Variants in MAGI1 observed in about 807,000 individuals in gnomAD.
MAGI1 encodes the protein membrane-associated guanylate kinase, WW and PDZ domain-containing protein 1.
MAGI1 carries 58 observed loss-of-function variants against 139.9 expected under a neutral mutation model. That is an observed-to-expected ratio of 0.41 (90% CI 0.34 to 0.52). The LOEUF is 0.52. Among genes scored for constraint, MAGI1 ranks in the 20% least tolerant of loss-of-function variants. MAGI1 has a pLI of 0.12. For synonymous variants in MAGI1, 812 were observed against 737.9 expected, an observed-to-expected ratio of 1.10 and a Z score of -1.63; for missense variants, 1,874 against 1,901.6, an observed-to-expected ratio of 0.99 and a Z score of 0.27.
intron 2 of MAGI1, among the ~76,000 whole-genome samples, chr3:65,563,131 T>A (rs2080443387): frequency 6.6e-6 from 1 of 152,234 alleles, no homozygotes; most frequent in Non-Finnish European, 1.5e-5. Flanking sequence ...CAAGAGAACT[T>A]TATTAAGTTG....
At chr3:65,403,740 ACT>A (rs956756150) in intron 12 of MAGI1, among the ~76,000 whole-genome samples, 2 of 152,106 alleles carry the variant, frequency 1.3e-5, no homozygotes, top group Admixed American at 1.3e-4. Context: ...CATTTGTAAG[ACT>A]CTGGCTGATC....
intron 1 of MAGI1, among the ~76,000 whole-genome samples, chr3:65,648,156 T>C (rs1420701811): frequency 6.6e-6 from 1 of 151,992 alleles, no homozygotes; most frequent in East Asian, 1.9e-4. Context: ...TGTATTTCTT[T>C]TTTTTTTTTC....
chr3:65,881,747 A>T (rs576050181), intron 1 of MAGI1, among the ~76,000 whole-genome samples: 1 of 152,270 alleles, frequency 6.6e-6, no homozygotes, highest in South Asian at 2.1e-4. Context: ...ATGTGTTCTC[A>T]AGTCTATGGG....
chr3:65,408,963 G>C (rs1023769485), intron 12 of MAGI1, among the ~76,000 whole-genome samples: 1 of 152,216 alleles, frequency 6.6e-6, no homozygotes, highest in Non-Finnish European at 1.5e-5. Context: ...CAATTTCAGA[G>C]AGTGGTAACT....
intron 12 of MAGI1, among the ~76,000 whole-genome samples, chr3:65,419,435 A>T (rs570482010): frequency 6.6e-6 from 1 of 152,326 alleles, no homozygotes; most frequent in Non-Finnish European, 1.5e-5. Context: ...GTAGCCCAAT[A>T]CATTGATTTC....
At chr3:65,940,459 G>A (rs985682385) in intron 1 of MAGI1, among the ~76,000 whole-genome samples, 1 of 152,110 alleles carries the variant, frequency 6.6e-6, no homozygotes, top group South Asian at 2.1e-4. Flanking sequence ...GTATCTTCAC[G>A]TGGCAGAAAA....
intron 5 of MAGI1, among the ~76,000 whole-genome samples, chr3:65,465,639 C>A (rs887853186): frequency 1.4e-4 from 22 of 152,102 alleles, no homozygotes; most frequent in Admixed American, 1.2e-3. Flanking sequence ...CATAGGGTGT[C>A]ATTTCTCATC....
rs1426299687 is a variant in MAGI1 at position 65,440,891 on chromosome 3, G to GTATACACATATAT, written c.1137-880_1137-879insATATATGTGTATA. Among the ~76,000 whole-genome samples, 434 of 135,338 alleles carry GTATACACATATAT rather than the reference G, an allele frequency of 3.2e-3. 2 individuals carry two copies. Among genetic ancestry groups the GTATACACATATAT allele is most frequent in the African/African-American group, 0.012 (417 of 33,976 alleles). The allele number at this position is 135,338 out of a possible 152,430, so 88.8% of individuals were successfully genotyped here. On this transcript the variant is annotated intron_variant, in intron 8 of 22. Coordinates refer to ENST00000402939, the MANE Select transcript of MAGI1 (RefSeq NM_001033057.2). ...TATACACATATATGTACATATATATGGTACATATGTGTGTATATATATATA... is the reference window on the plus strand; with the variant it reads ...TATACACATATATGTACATATATATGTATACACATATATGTACATATGTGTGTATATATATATA...
At chr3:66,025,753 A>G (rs774181898) in intron 1 of MAGI1, among the ~76,000 whole-genome samples, 5 of 152,136 alleles carry the variant, frequency 3.3e-5, no homozygotes, top group Non-Finnish European at 5.9e-5. Context: ...TAGTGTTAAC[A>G]CATGTATTTC....
At chr3:65,777,320 G>A (rs1455039451) in intron 1 of MAGI1, among the ~76,000 whole-genome samples, 1 of 152,076 alleles carries the variant, frequency 6.6e-6, no homozygotes, top group Non-Finnish European at 1.5e-5. Context: ...TGCTGTGAGG[G>A]TTAAATTAGT....
At chr3:65,549,533 G>A in intron 2 of MAGI1, 1 of 960,740 alleles carries the variant, frequency 1.0e-6, no homozygotes, top group Non-Finnish European at 1.2e-6. Flanking sequence ...CCTTTTATGG[G>A]GCTCGCAGGC....
chr3:65,419,247 A>ATACACACACACACACAC (rs1355075280), intron 12 of MAGI1, among the ~76,000 whole-genome samples: 3 of 33,210 alleles, frequency 9.0e-5, no homozygotes, highest in African/African-American at 2.1e-4. Flanking sequence ...CACACACACA[A>ATACACACACACACACAC]GTGTATGAAT....
intron 2 of MAGI1, among the ~76,000 whole-genome samples, chr3:65,499,220 C>T (rs2076991888): frequency 6.6e-6 from 1 of 151,012 alleles, no homozygotes; most frequent in African/African-American, 2.4e-5. Flanking sequence ...GCAAACAAAA[C>T]AAAAAAGACC....
At chr3:66,005,356 C>A (rs2066958984) in intron 1 of MAGI1, among the ~76,000 whole-genome samples, 1 of 152,122 alleles carries the variant, frequency 6.6e-6, no homozygotes, top group South Asian at 2.1e-4. Flanking sequence ...TTGTCTCAAC[C>A]TAAAAATGAT....
chr3:65,563,813 C>A (rs1052851922), intron 2 of MAGI1, among the ~76,000 whole-genome samples: 16 of 152,156 alleles, frequency 1.1e-4, no homozygotes, highest in African/African-American at 3.9e-4. Context: ...AAATTCAAGA[C>A]AAATATTGCT....
chr3:65,506,502 T>C (rs924944716), intron 2 of MAGI1, among the ~76,000 whole-genome samples: 9 of 152,204 alleles, frequency 5.9e-5, no homozygotes, highest in African/African-American at 2.2e-4. Context: ...CCAACCTTGA[T>C]GAAATTTTCC....
At position 65,869,176 on chromosome 3, in the gene MAGI1, A is replaced by C. The variant is rs563189004; in HGVS notation, c.313+168820T>G. Among the ~76,000 whole-genome samples, 22 of 150,390 alleles carry C rather than the reference A, an allele frequency of 1.5e-4. 1 individual carries two copies. The South Asian group carries it at 4.6e-3, about 31-fold the overall frequency. Reference sequence around the variant, plus strand: ...GAGGCAGAGGCAGGAGAATGGCGTGAACCCAGGAGGCGGAGCTTGCAGTGA... The same window carrying C: ...GAGGCAGAGGCAGGAGAATGGCGTGCACCCAGGAGGCGGAGCTTGCAGTGA... On this transcript the variant is annotated intron_variant, in intron 1 of 22. Transcript: ENST00000402939.
At chr3:65,361,123 T>C in intron 22 of MAGI1, 76 bp downstream of exon 22, 1 of 1,613,332 alleles carries the variant, frequency 6.2e-7, no homozygotes, top group Non-Finnish European at 8.5e-7. Flanking sequence ...AAAAAAGACT[T>C]TCCTGCTGCC....
intron 2 of MAGI1, among the ~76,000 whole-genome samples, chr3:65,554,767 G>C (rs561321409): frequency 7.2e-5 from 11 of 152,270 alleles, no homozygotes; most frequent in African/African-American, 2.2e-4. Flanking sequence ...TTAAACTGAA[G>C]GGCATTCTAT....
Sources: gnomAD v4.1 joint callset for allele counts (sites outside exome capture counted in the v4.1 genomes callset) on GRCh38, gnomAD v4.1.1 for gene constraint, MANE v1.5 for transcripts, NCBI Gene and HGNC (gene_info 2026-07-23, HGNC 2026-07-21) for gene names.